The following HESX1 variants were observed in gnomAD, a reference collection of about 807,000 sequenced individuals.
HESX1 encodes HESX homeobox 1, also known as homeobox expressed in ES cells 1.
Under a neutral mutation model 22.5 loss-of-function variants are expected in HESX1, and 11 were observed. The ratio of observed to expected loss-of-function variants is 0.49; its 90% CI spans 0.31 to 0.81. The LOEUF (loss-of-function observed/expected upper bound fraction) is 0.81. Ranked by LOEUF, HESX1 falls within the 30% of genes least tolerant of loss-of-function variation. HESX1 has a pLI of 0.05. For missense variants in HESX1, 201 were observed against 212.6 expected, an observed-to-expected ratio of 0.95 and a Z score of 0.34; for synonymous variants, 74 against 76.5, an observed-to-expected ratio of 0.97 and a Z score of 0.17.
At chr3:57,205,735 A>C (rs563596751) in intron 1 of HESX1, among the ~76,000 whole-genome samples, 5 of 152,288 alleles carry the variant, frequency 3.3e-5, no homozygotes, top group African/African-American at 1.2e-4. Flanking sequence ...TTTAACCTGC[A>C]ACCTCTCTTC....
intron 1 of HESX1, among the ~76,000 whole-genome samples, chr3:57,212,557 C>CAAAAAA (rs56093005): frequency 0.024 from 1,880 of 79,814 alleles, 93 homozygotes; most frequent in Middle Eastern, 0.053. Flanking sequence ...GACTCTGTCT[C>CAAAAAA]AAAAAAAAAA....
At position 57,209,687 on chromosome 3, in the gene HESX1, A is replaced by G. The variant is rs1223289408; in HGVS notation, c.-110-9659T>C. Among the ~76,000 whole-genome samples, 27 of 151,840 alleles carry G rather than the reference A, an allele frequency of 1.8e-4. No homozygotes were observed. The South Asian group carries it at 4.4e-3, about 25-fold the overall frequency. On this transcript the variant is annotated intron_variant, in intron 1 of 2. Coordinates refer to the HESX1 transcript ENST00000495160. ...GCTCCATCTCAAAAAAAAAAAAAAA[A>G]AAAGAAAAGAAAATAGTGATGATAA...
At chr3:57,219,527 C>T (rs13093175) in intron 1 of HESX1, among the ~76,000 whole-genome samples, 55,711 of 151,856 alleles carry the variant, frequency 0.37, 12,165 homozygotes, top group East Asian at 0.85. Flanking sequence ...ACCACCACGC[C>T]TGGCTAATTT....
At chr3:57,200,076 G>T, upstream of HESX1, 12 of 670,950 alleles carry the variant, frequency 1.8e-5, no homozygotes, top group Non-Finnish European at 5.3e-6. Context: ...GAAAGTTTTA[G>T]CATGTCAATG....
At chr3:57,204,723 C>T (rs1472173838), upstream of HESX1, among the ~76,000 whole-genome samples, 1 of 151,142 alleles carries the variant, frequency 6.6e-6, no homozygotes, top group African/African-American at 2.4e-5. Flanking sequence ...CCCTTGAGCC[C>T]AGGAGGTAGA....
intron 1 of HESX1, among the ~76,000 whole-genome samples, chr3:57,221,791 G>C (rs1402302585): frequency 6.6e-6 from 1 of 151,968 alleles, no homozygotes; most frequent in African/African-American, 2.4e-5. Context: ...ATTTTTAGTA[G>C]AGATGGGGTT....
chr3:57,214,221 G>C (rs1006508758), intron 1 of HESX1, among the ~76,000 whole-genome samples: 1 of 152,174 alleles, frequency 6.6e-6, no homozygotes, highest in Non-Finnish European at 1.5e-5. Context: ...AATTGAGGCA[G>C]GTATTGCAAA....
At chr3:57,217,872 C>T (rs542311031) in intron 1 of HESX1, among the ~76,000 whole-genome samples, 1 of 152,242 alleles carries the variant, frequency 6.6e-6, no homozygotes, top group East Asian at 1.9e-4. Context: ...GCTCTGACAA[C>T]CCCCTCCACA....
chr3:57,199,015 G>A (rs2060466730), intron 1 of HESX1, 63 bp from the exon 2 acceptor site: 1 of 1,461,710 alleles, frequency 6.8e-7, no homozygotes, highest in South Asian at 1.2e-5. Context: ...AAGTTCTATA[G>A]AGGTAGTTTC....
At chr3:57,200,036 T>A, upstream of HESX1, 1 of 846,252 alleles carries the variant, frequency 1.2e-6, no homozygotes, top group Non-Finnish European at 2.0e-6. Flanking sequence ...GGGCTGGATT[T>A]AGAACGTCAC....
chr3:57,211,446 C>G (rs1014156070), intron 1 of HESX1, among the ~76,000 whole-genome samples: 1 of 138,614 alleles, frequency 7.2e-6, no homozygotes, highest in Non-Finnish European at 1.5e-5. Context: ...GGGAGGATCA[C>G]TTGAGCGTAG....
intron 1 of HESX1, 45 bp downstream of exon 1, chr3:57,199,715 CTG>C (rs2060472816): frequency 8.2e-6 from 13 of 1,583,378 alleles, no homozygotes; most frequent in Non-Finnish European, 1.1e-5. Flanking sequence ...AAATTAAACA[CTG>C]TAAATGAAAT....
At chr3:57,223,959 T>C (rs2060628592) in intron 1 of HESX1, among the ~76,000 whole-genome samples, 1 of 152,184 alleles carries the variant, frequency 6.6e-6, no homozygotes, top group South Asian at 2.1e-4. Context: ...CTAGGATTCC[T>C]TTTCTAAATG....
intron 1 of HESX1, among the ~76,000 whole-genome samples, chr3:57,225,542 C>T (rs1257228741): frequency 2.0e-5 from 3 of 152,048 alleles, no homozygotes; most frequent in Non-Finnish European, 2.9e-5. Context: ...CGGGGTTTCA[C>T]CAGTTGGCCA....
intron 1 of HESX1, among the ~76,000 whole-genome samples, chr3:57,226,060 TA>T (rs1159834431): frequency 7.2e-5 from 11 of 152,054 alleles, no homozygotes; most frequent in African/African-American, 2.7e-4. Context: ...GTATTGTTAG[TA>T]GAGACTGGGT....
chr3:57,219,788 TTGTC>T (rs1258610378), intron 1 of HESX1, among the ~76,000 whole-genome samples: 7 of 152,320 alleles, frequency 4.6e-5, no homozygotes, highest in African/African-American at 1.4e-4. Context: ...ATTCTGTAGG[TTGTC>T]TGTTTACTCT....
chr3:57,213,665 G>C (rs770728232), intron 1 of HESX1, among the ~76,000 whole-genome samples: 2 of 152,170 alleles, frequency 1.3e-5, no homozygotes, highest in Non-Finnish European at 2.9e-5. Flanking sequence ...GGTGGCTCAC[G>C]CCTGTAATCC....
At chr3:57,199,685 T>C in intron 1 of HESX1, 77 bp downstream of exon 1, 1 of 1,218,042 alleles carries the variant, frequency 8.2e-7, no homozygotes, top group Admixed American at 1.7e-5. Context: ...TCTAGCTCTA[T>C]GTAGTATGAA....
At chr3:57,204,600 A>G (rs1308989484), upstream of HESX1, among the ~76,000 whole-genome samples, 1 of 152,166 alleles carries the variant, frequency 6.6e-6, no homozygotes, top group Non-Finnish European at 1.5e-5. Flanking sequence ...TTTATGCATC[A>G]CCAGCAAAGA....
Sources: allele counts gnomAD v4.1 joint callset (sites outside exome capture counted in the v4.1 genomes callset), GRCh38; gene constraint gnomAD v4.1.1; transcripts MANE v1.5; gene names NCBI Gene and HGNC (gene_info 2026-07-23, HGNC 2026-07-21).